The following MAMLD1 variants were observed in gnomAD, a reference collection of about 807,000 sequenced individuals.
The protein encoded by MAMLD1 is mastermind like domain containing 1, also known as mastermind-like domain-containing protein 1.
A neutral mutation model predicts 45.0 loss-of-function variants in MAMLD1; 14 were observed. The observed-to-expected ratio is 0.31, with a 90% CI of 0.21 to 0.49. The LOEUF (loss-of-function observed/expected upper bound fraction) is 0.49. Among genes scored for constraint, MAMLD1 ranks in the 20% least tolerant of loss-of-function variants. The probability of loss-of-function intolerance (pLI) is 0.99; values close to 1 mark genes in which losing one functional copy is unlikely to be tolerated. For synonymous variants in MAMLD1, 254 were observed against 247.8 expected (o/e 1.02, Z -0.24); for missense variants, 543 against 603.6 (o/e 0.90, Z 1.05).
rs186950519 is a variant in MAMLD1, at chrX:150,453,049, G to A, written c.96+7437G>A. Among the ~76,000 whole-genome samples, 676 of 110,685 alleles carry A rather than the reference G, an allele frequency of 6.1e-3. 4 individuals carry two copies. The highest frequency in any genetic ancestry group is 8.8e-3 in the Non-Finnish European group (466 of 52,840). On this transcript the variant is annotated intron_variant, in intron 2 of 7. Transcript: ENST00000370401. Reference sequence around the variant, plus strand: ...CTTGCACTACGGAAGAAATCTTTACGTTTTTCTGCTCCAGAAAGGTTGCCC... The same window carrying A: ...CTTGCACTACGGAAGAAATCTTTACATTTTTCTGCTCCAGAAAGGTTGCCC...
At chrX:150,373,382 T>C (rs1267191102) in intron 1 of MAMLD1, among the ~76,000 whole-genome samples, 1 of 110,888 alleles carries the variant, frequency 9.0e-6, no homozygotes, top group Non-Finnish European at 1.9e-5. Context: ...CGAAGCTGAT[T>C]TGTGGGATTT....
intron 2 of MAMLD1, among the ~76,000 whole-genome samples, chrX:150,454,198 A>G (rs1474910290): frequency 8.9e-6 from 1 of 112,408 alleles, no homozygotes; most frequent in East Asian, 2.8e-4. Flanking sequence ...TGATGCTGTC[A>G]GCAAAACTAA....
chrX:150,396,163 T>A, intron 1 of MAMLD1, among the ~76,000 whole-genome samples: 1 of 86,193 alleles, frequency 1.2e-5, no homozygotes, highest in African/African-American at 4.2e-5. Flanking sequence ...TTTTTTTTTT[T>A]TTTTTTTTTT....
intron 1 of MAMLD1, among the ~76,000 whole-genome samples, chrX:150,401,961 A>G (rs1557402457): frequency 9.0e-6 from 1 of 111,692 alleles, no homozygotes; most frequent in East Asian, 2.8e-4. Flanking sequence ...CTAAAACCAT[A>G]AAAACCCTAG....
intron 3 of MAMLD1, among the ~76,000 whole-genome samples, chrX:150,466,852 A>T (rs2036236686): frequency 9.1e-6 from 1 of 110,351 alleles, no homozygotes; most frequent in Admixed American, 9.6e-5. Flanking sequence ...CCTGCACCTT[A>T]CTCCCAGCAG....
At chrX:150,433,928 A>G (rs1049335516) in intron 1 of MAMLD1, among the ~76,000 whole-genome samples, 8 of 111,800 alleles carry the variant, frequency 7.2e-5, no homozygotes, top group African/African-American at 1.9e-4. Flanking sequence ...TCACAGAATG[A>G]GTTATAGAGG....
chrX:150,478,047 A>G (rs1219961054), intron 5 of MAMLD1, among the ~76,000 whole-genome samples: 2 of 112,296 alleles, frequency 1.8e-5, no homozygotes, highest in Non-Finnish European at 3.8e-5. Flanking sequence ...ATCTTTGCAG[A>G]AACCCAAGAT....
At chrX:150,407,073 C>T (rs1267334267) in intron 1 of MAMLD1, among the ~76,000 whole-genome samples, 3 of 111,509 alleles carry the variant, frequency 2.7e-5, no homozygotes, top group Non-Finnish European at 5.6e-5. Context: ...GCTATAGATT[C>T]ATGGATGCCC....
intron 5 of MAMLD1, among the ~76,000 whole-genome samples, chrX:150,494,125 G>C (rs185145198): frequency 0.019 from 2,120 of 112,288 alleles, 18 homozygotes; most frequent in Non-Finnish European, 0.031. Flanking sequence ...GCCGGGCACG[G>C]TGGCTCAAGC....
At chrX:150,489,809 GGGAAATGCCTGT>G (rs2037124501) in intron 5 of MAMLD1, among the ~76,000 whole-genome samples, 1 of 110,743 alleles carries the variant, frequency 9.0e-6, no homozygotes, top group Admixed American at 9.6e-5. Flanking sequence ...AATGTACTGG[GGGAAATGCCTGT>G]GAAAGATAAA....
Position 150,365,167 on chromosome X carries a change from AG to A in MAMLD1, c.-64+1639del, listed in dbSNP as rs2031320561. On this transcript the variant is annotated intron_variant, in intron 1 of 7. Transcript: ENST00000370401. ...TTTATAAAAAGCCCCTTTGTTTCCC[AG>A]GAGGCTGGAGAGAGGGAAGGGGAAA... Among the ~76,000 whole-genome samples, 3 of 77,443 alleles carry A rather than the reference AG, an allele frequency of 3.9e-5. No homozygotes were observed. In the Admixed American group the frequency reaches 4.8e-4, roughly 12 times the overall value. 67.2% of individuals were successfully genotyped at this position (77,443 alleles called of 115,157 possible). A position where few individuals can be genotyped will look rare whatever the true frequency, so the allele number is the denominator to read the frequency against.
chrX:150,512,941 CT>C lies in MAMLD1; in HGVS notation c.*983del, dbSNP rs2037946882. On this transcript the variant is annotated 3_prime_UTR_variant, in exon 8 of 8. Transcript: ENST00000370401. ...TCATTGAAGCTCTCTTGAAAGGCTC[CT>C]GTGTGAGCCCAGATGAAGACTGGGT... The C allele has an allele frequency of 1.5e-5, 17 of 1,154,574 alleles. No homozygotes were observed. Among genetic ancestry groups the C allele is most frequent in the Non-Finnish European group, 1.8e-5 (16 of 872,583 alleles).
chrX:150,398,385 G>A (rs376054561), intron 1 of MAMLD1, among the ~76,000 whole-genome samples: 26 of 99,792 alleles, frequency 2.6e-4, no homozygotes, highest in African/African-American at 7.1e-4. Context: ...AAGAAGAAGA[G>A]GAAGAAGAAG....
In MAMLD1 at chrX:150,468,192, A is replaced by T. The variant is rs1197526431; in HGVS notation, c.172-1553A>T. Among the ~76,000 whole-genome samples, 13 of 111,876 alleles carry T rather than the reference A, an allele frequency of 1.2e-4. No individual in the cohort carries two copies. The South Asian group carries it at 1.5e-3, about 13-fold the overall frequency. ...AGGGCCCAGGAATGTGGATGTTTCT[A>T]AGTGATTCTGATGTGCACCAAGGCC... On this transcript the variant is annotated intron_variant, in intron 3 of 7. Transcript: ENST00000370401.
intron 5 of MAMLD1, among the ~76,000 whole-genome samples, chrX:150,497,987 A>G (rs1387055938): frequency 9.0e-6 from 1 of 111,154 alleles, no homozygotes; most frequent in African/African-American, 3.3e-5. Context: ...TACCTCCTTC[A>G]TAGGATTGTC....
chrX:150,475,992 T>A (rs1557406843), intron 5 of MAMLD1, among the ~76,000 whole-genome samples: 1 of 112,167 alleles, frequency 8.9e-6, no homozygotes, highest in East Asian at 2.8e-4. Flanking sequence ...TTCATTACTT[T>A]TGCAGAGAAA....
intron 1 of MAMLD1, among the ~76,000 whole-genome samples, chrX:150,367,913 T>C (rs1290802180): frequency 1.8e-5 from 2 of 112,044 alleles, no homozygotes; most frequent in Non-Finnish European, 3.8e-5. Context: ...GGCTGCGTAG[T>C]ATTCCATGGT....
At chrX:150,462,374 C>T (rs1388461784) in intron 2 of MAMLD1, among the ~76,000 whole-genome samples, 1 of 111,783 alleles carries the variant, frequency 8.9e-6, no homozygotes, top group Non-Finnish European at 1.9e-5. Flanking sequence ...CCAAACCAAC[C>T]CTCTCTTAGG....
At chrX:150,483,480 A>G (rs1411574226) in intron 5 of MAMLD1, among the ~76,000 whole-genome samples, 1 of 112,677 alleles carries the variant, frequency 8.9e-6, no homozygotes, top group African/African-American at 3.2e-5. Flanking sequence ...TAAGTTTTGG[A>G]AACTGTTTTG....
Sources: gnomAD v4.1 joint callset for allele counts (sites outside exome capture counted in the v4.1 genomes callset) on GRCh38, gnomAD v4.1.1 for gene constraint, MANE v1.5 for transcripts, NCBI Gene and HGNC (gene_info 2026-07-23, HGNC 2026-07-21) for gene names.